ANOS1: variants seen among roughly 807,000 people sequenced by gnomAD.
ANOS1 encodes the protein anosmin 1, also known as anosmin-1.
A neutral mutation model predicts 59.0 loss-of-function variants in ANOS1; 6 were observed. That is an observed-to-expected ratio of 0.10 (90% confidence interval 0.06 to 0.20). The LOEUF is 0.20. Ranked by LOEUF, ANOS1 falls within the 10% of genes least tolerant of loss-of-function variation. ANOS1 has a pLI of 1.00. For synonymous variants in ANOS1, 217 were observed against 223.4 expected, an observed-to-expected ratio of 0.97 and a Z score of 0.25; for missense variants, 433 against 542.3, an observed-to-expected ratio of 0.80 and a Z score of 2.00.
intron 2 of ANOS1, among the ~76,000 whole-genome samples, chrX:8,664,276 T>C (rs939144052): frequency 1.7e-4 from 19 of 111,815 alleles, no homozygotes; most frequent in African/African-American, 4.5e-4. Context: ...CTGCAAGCTC[T>C]GCCTCCCGGG....
chrX:8,603,080 T>C (rs181405299), intron 3 of ANOS1, among the ~76,000 whole-genome samples: 1 of 111,989 alleles, frequency 8.9e-6, no homozygotes, highest in Admixed American at 9.5e-5. Context: ...CAATTTAAAA[T>C]TTGAAAAGAA....
intron 4 of ANOS1, among the ~76,000 whole-genome samples, chrX:8,590,500 C>T (rs1220952217): frequency 9.0e-6 from 1 of 111,514 alleles, no homozygotes; most frequent in Non-Finnish European, 1.9e-5. Context: ...TATTCTTTTG[C>T]CCCCCTTCAA....
intron 8 of ANOS1, among the ~76,000 whole-genome samples, chrX:8,559,134 C>T (rs1929992863): frequency 9.0e-6 from 1 of 111,633 alleles, no homozygotes; most frequent in African/African-American, 3.3e-5. Flanking sequence ...GTGAGCTTGA[C>T]CAAAGGCATC....
At chrX:8,565,889 G>T in intron 8 of ANOS1, 1 of 427,979 alleles carries the variant, frequency 2.3e-6, no homozygotes, top group Non-Finnish European at 2.9e-6. Flanking sequence ...GGACTCTGGA[G>T]TTCAAAGAGT....
chrX:8,596,492 T>A (rs1930738669), intron 4 of ANOS1, among the ~76,000 whole-genome samples: 1 of 111,998 alleles, frequency 8.9e-6, no homozygotes, highest in Non-Finnish European at 1.9e-5. Flanking sequence ...ACTATTGCAT[T>A]TGCTAAACCG....
chrX:8,606,127 T>C (rs900473674), intron 3 of ANOS1, among the ~76,000 whole-genome samples: 4 of 111,929 alleles, frequency 3.6e-5, no homozygotes, highest in Non-Finnish European at 7.5e-5. Context: ...AAAAAAAAGT[T>C]GTCCAATCCA....
intron 1 of ANOS1, among the ~76,000 whole-genome samples, chrX:8,708,659 TTGG>T (rs1464272044): frequency 4.5e-5 from 5 of 111,942 alleles, no homozygotes; most frequent in Admixed American, 3.8e-4. Flanking sequence ...TTTTACACTG[TTGG>T]TGGGAGTGTA....
At chrX:8,549,128 C>T (rs1308893646) in intron 9 of ANOS1, among the ~76,000 whole-genome samples, 5 of 111,671 alleles carry the variant, frequency 4.5e-5, no homozygotes, top group Admixed American at 9.5e-5. Context: ...TTTCATGCAT[C>T]GTAAACTGGA....
intron 9 of ANOS1, among the ~76,000 whole-genome samples, chrX:8,549,996 C>T (rs761586889): frequency 9.0e-6 from 1 of 111,358 alleles, no homozygotes; most frequent in African/African-American, 3.3e-5. Context: ...AACTCTCAGC[C>T]AGTTTTAAGG....
At chrX:8,701,371 A>G (rs1247670385) in intron 1 of ANOS1, among the ~76,000 whole-genome samples, 1 of 112,573 alleles carries the variant, frequency 8.9e-6, no homozygotes, top group Non-Finnish European at 1.9e-5. Context: ...TTTAGAAAAT[A>G]CTTTTATAAC....
intron 8 of ANOS1, chrX:8,566,339 ATG>A (rs375466093): frequency 0.032 from 16,543 of 510,168 alleles, 1,003 homozygotes; most frequent in African/African-American, 0.27. Flanking sequence ...GTGTGTATAT[ATG>A]TGTGTGTGTG....
At chrX:8,553,216 AT>A (rs1033536983) in intron 9 of ANOS1, among the ~76,000 whole-genome samples, 10 of 111,337 alleles carry the variant, frequency 9.0e-5, no homozygotes, top group Non-Finnish European at 1.7e-4. Context: ...AAAAAAAAAA[AT>A]AAACAAAAAG....
chrX:8,717,394 A>G (rs1461066906), intron 1 of ANOS1, among the ~76,000 whole-genome samples: 2 of 112,066 alleles, frequency 1.8e-5, no homozygotes. Flanking sequence ...ATAACCAGAG[A>G]ATATATTCTA....
chrX:8,591,370 C>T (rs778987485), intron 4 of ANOS1, among the ~76,000 whole-genome samples: 5 of 111,307 alleles, frequency 4.5e-5, no homozygotes, highest in South Asian at 3.8e-4. Context: ...GCACATTCTC[C>T]GAGACTTCTG....
chrX:8,728,690 G>A (rs1051211975), intron 1 of ANOS1, among the ~76,000 whole-genome samples: 6 of 112,351 alleles, frequency 5.3e-5, no homozygotes, highest in Admixed American at 2.8e-4. Flanking sequence ...TAATATTTCA[G>A]GAGGTGCTAA....
At chrX:8,719,032 C>T in intron 1 of ANOS1, among the ~76,000 whole-genome samples, 1 of 112,005 alleles carries the variant, frequency 8.9e-6, no homozygotes, top group Non-Finnish European at 1.9e-5. Flanking sequence ...CTGCGGGAGT[C>T]CTATCAGTTG....
chrX:8,555,961 C>T (rs1388616221), intron 8 of ANOS1, among the ~76,000 whole-genome samples: 1 of 112,454 alleles, frequency 8.9e-6, no homozygotes, highest in East Asian at 2.8e-4. Flanking sequence ...TACTGGCAAA[C>T]CGAATCCAGC....
At chrX:8,590,250 C>T (rs1930593013) in intron 4 of ANOS1, among the ~76,000 whole-genome samples, 1 of 112,087 alleles carries the variant, frequency 8.9e-6, no homozygotes, top group African/African-American at 3.2e-5. Flanking sequence ...CCTGGTACAT[C>T]TTTAATTTTT....
chrX:8,682,064 C>T (rs868598246), intron 2 of ANOS1, among the ~76,000 whole-genome samples: 1 of 111,096 alleles, frequency 9.0e-6, no homozygotes, highest in Non-Finnish European at 1.9e-5. Flanking sequence ...ATCACCCAAA[C>T]GAACCCTTCG....
Sources: allele counts gnomAD v4.1 joint callset (sites outside exome capture counted in the v4.1 genomes callset), GRCh38; gene constraint gnomAD v4.1.1; transcripts MANE v1.5; gene names NCBI Gene and HGNC (gene_info 2026-07-23, HGNC 2026-07-21).